CYRIA: variants seen among roughly 807,000 people sequenced by gnomAD.
The protein encoded by CYRIA is CYFIP related Rac1 interactor A, also known as CYFIP-related Rac1 interactor A.
CYRIA carries 15 observed loss-of-function variants against 43.9 expected under a neutral mutation model. The ratio of observed to expected loss-of-function variants is 0.34; its 90% CI spans 0.23 to 0.53. The LOEUF is 0.53. CYRIA is among the 20% of genes least tolerant of loss of function. CYRIA has a pLI of 0.94. For missense variants in CYRIA, 236 were observed against 394.2 expected, an observed-to-expected ratio of 0.60 and a Z score of 3.40; for synonymous variants, 117 against 136.0, an observed-to-expected ratio of 0.86 and a Z score of 0.97.
chr2:16,658,335 T>C (rs1670168413), intron 1 of CYRIA, among the ~76,000 whole-genome samples: 1 of 152,194 alleles, frequency 6.6e-6, no homozygotes, highest in South Asian at 2.1e-4. Context: ...AAGAGGAACC[T>C]AGAGGACGTA....
Position 16,584,966 on chromosome 2 carries a change from T to A in CYRIA, c.70+3084A>T, listed in dbSNP as rs148687276. Among the ~76,000 whole-genome samples the A allele has an allele frequency of 1.5e-3, 233 of 152,268 alleles. 3 individuals are homozygous for A. The highest frequency in any genetic ancestry group is 5.3e-3 in the African/African-American group (219 of 41,560). The stretch of plus-strand genomic sequence containing the variant: ...GTGCTCTTGTAAGTCCTTTATTTAT[T>A]TCATCTTAAACTGAGTGACTATTGT... On this transcript the variant is annotated intron_variant, in intron 3 of 11. Transcript: ENST00000381323.
At chr2:16,616,427 C>T (rs1303671969) in intron 2 of CYRIA, among the ~76,000 whole-genome samples, 2 of 152,152 alleles carry the variant, frequency 1.3e-5, no homozygotes, top group South Asian at 2.1e-4. Flanking sequence ...TTCCCTGGCT[C>T]CCCCGGGCTC....
At chr2:16,611,313 C>T (rs1006518709) in intron 2 of CYRIA, among the ~76,000 whole-genome samples, 5 of 151,978 alleles carry the variant, frequency 3.3e-5, no homozygotes, top group Admixed American at 6.6e-5. Context: ...TGCAGTGAGC[C>T]GAGATTGCAC....
At chr2:16,654,608 AG>A (rs1375165957) in intron 1 of CYRIA, among the ~76,000 whole-genome samples, 1 of 152,196 alleles carries the variant, frequency 6.6e-6, no homozygotes, top group African/African-American at 2.4e-5. Context: ...CCCCATTTTC[AG>A]CCCTTTTCAG....
At chr2:16,575,919 C>T (rs1572472005) in intron 3 of CYRIA, among the ~76,000 whole-genome samples, 1 of 144,694 alleles carries the variant, frequency 6.9e-6, no homozygotes, top group African/African-American at 2.5e-5. Context: ...AGAGCAGTTC[C>T]CCTGCACAAG....
intron 2 of CYRIA, among the ~76,000 whole-genome samples, chr2:16,606,992 A>G (rs1232543369): frequency 6.6e-6 from 1 of 152,212 alleles, no homozygotes; most frequent in Non-Finnish European, 1.5e-5. Flanking sequence ...GCCATCACAT[A>G]CAAAAAACCT....
intron 10 of CYRIA, among the ~76,000 whole-genome samples, chr2:16,558,991 C>T (rs951922543): frequency 6.6e-6 from 1 of 152,112 alleles, no homozygotes; most frequent in Non-Finnish European, 1.5e-5. Context: ...ACACATATCA[C>T]GTATATCCAA....
At chr2:16,565,623 G>C (rs777374887) in intron 4 of CYRIA, 23 bp downstream of exon 4, 7 of 1,542,492 alleles carry the variant, frequency 4.5e-6, no homozygotes, top group South Asian at 1.2e-5. Flanking sequence ...GGTGTTGTCA[G>C]TTCAGCGTGA....
chr2:16,565,739 TTC>T lies in CYRIA; in HGVS notation c.97_98del (p.Glu33AsnfsTer13). 6.3e-7 allele frequency: 1 copy of T among 1,583,972 alleles called. No homozygotes were observed. The highest frequency in any genetic ancestry group is 8.6e-7 in the Non-Finnish European group (1 of 1,157,204). ...GGACGGCGCTGATCTGGTTCCAGAT[TTC>T]TCTCTCTCCTTCTGTAGGCTGAGCA... is the stretch of plus-strand genomic sequence containing the variant. ...ENAQPTEGER[E>X]IWNQISAVLQ... On this transcript the variant is annotated frameshift_variant, in exon 4 of 12. Transcript: ENST00000381323. LOFTEE classifies it high-confidence loss of function.
At chr2:16,598,667 T>C in intron 2 of CYRIA, among the ~76,000 whole-genome samples, 1 of 89,144 alleles carries the variant, frequency 1.1e-5, no homozygotes, top group South Asian at 3.6e-4. Context: ...CTTCTTTGCC[T>C]TTGGTTTGAA....
intron 1 of CYRIA, among the ~76,000 whole-genome samples, chr2:16,651,834 C>T (rs1446722094): frequency 6.6e-6 from 1 of 151,968 alleles, no homozygotes; most frequent in Non-Finnish European, 1.5e-5. Flanking sequence ...CAGTTGAATG[C>T]AGGAAATTCC....
intron 2 of CYRIA, among the ~76,000 whole-genome samples, chr2:16,604,535 T>C (rs942625650): frequency 6.6e-6 from 1 of 152,248 alleles, no homozygotes; most frequent in African/African-American, 2.4e-5. Flanking sequence ...ATGTACACCA[T>C]CTGACTGTTT....
At chr2:16,664,548 A>G (rs1670341349) in intron 1 of CYRIA, among the ~76,000 whole-genome samples, 1 of 152,042 alleles carries the variant, frequency 6.6e-6, no homozygotes, top group African/African-American at 2.4e-5. Context: ...CCAACCAGAG[A>G]TCAGTGAAAG....
chr2:16,606,068 T>C (rs1198391411), intron 2 of CYRIA, among the ~76,000 whole-genome samples: 3 of 152,108 alleles, frequency 2.0e-5, no homozygotes, highest in Non-Finnish European at 4.4e-5. Flanking sequence ...GGCAGATGAC[T>C]CTCAACCTCT....
chr2:16,573,217 A>G (rs966584409), intron 3 of CYRIA, among the ~76,000 whole-genome samples: 1 of 152,262 alleles, frequency 6.6e-6, no homozygotes, highest in Non-Finnish European at 1.5e-5. Flanking sequence ...TAATATAAGC[A>G]TAAGATGCCA....
intron 2 of CYRIA, among the ~76,000 whole-genome samples, chr2:16,620,687 C>G (rs1448293381): frequency 6.6e-6 from 1 of 152,190 alleles, no homozygotes; most frequent in African/African-American, 2.4e-5. Context: ...TTAGCTTGGT[C>G]TGAAAAATCC....
chr2:16,602,314 C>T (rs1558421415), intron 2 of CYRIA, among the ~76,000 whole-genome samples: 1 of 152,152 alleles, frequency 6.6e-6, no homozygotes, highest in Non-Finnish European at 1.5e-5. Flanking sequence ...ATCGAAGACT[C>T]AGATTGCCTA....
chr2:16,617,387 C>A (rs572946561), intron 2 of CYRIA, among the ~76,000 whole-genome samples: 1 of 152,246 alleles, frequency 6.6e-6, no homozygotes, highest in Non-Finnish European at 1.5e-5. Context: ...TGCCAGCTTA[C>A]AGCTCCAAAC....
intron 3 of CYRIA, among the ~76,000 whole-genome samples, chr2:16,583,197 G>T (rs527745518): frequency 6.6e-6 from 1 of 152,248 alleles, no homozygotes; most frequent in South Asian, 2.1e-4. Flanking sequence ...AGAAATCTTT[G>T]ATAGATCAAG....
Sources: allele counts gnomAD v4.1 joint callset (sites outside exome capture counted in the v4.1 genomes callset), GRCh38; gene constraint gnomAD v4.1.1; transcripts MANE v1.5; gene names NCBI Gene and HGNC (gene_info 2026-07-23, HGNC 2026-07-21).